Variants in DNM3 observed in about 807,000 individuals in gnomAD.
DNM3 encodes dynamin 3, also known as dynamin-3.
In DNM3, 47 loss-of-function variants were observed where a neutral mutation model predicts 101.6. That is an observed-to-expected ratio of 0.46 (90% confidence interval 0.37 to 0.59). The LOEUF (loss-of-function observed/expected upper bound fraction) is 0.59, where lower values mean the gene tolerates loss of function less well. Among genes scored for constraint, DNM3 ranks in the 20% least tolerant of loss-of-function variants. The pLI is 0.00. For synonymous variants in DNM3, 385 were observed against 387.9 expected, an observed-to-expected ratio of 0.99 and a Z score of 0.09; for missense variants, 849 against 1,085.7, an observed-to-expected ratio of 0.78 and a Z score of 3.06.
At chr1:171,885,089 A>G (rs116798153) in intron 1 of DNM3, among the ~76,000 whole-genome samples, 2,154 of 152,174 alleles carry the variant, frequency 0.014, 58 homozygotes, top group African/African-American at 0.048. Context: ...ATCCCCTCAA[A>G]CTTGGGTAAA....
At chr1:172,331,313 T>C (rs1306556134) in intron 17 of DNM3, among the ~76,000 whole-genome samples, 1 of 152,186 alleles carries the variant, frequency 6.6e-6, no homozygotes, top group Non-Finnish European at 1.5e-5. Context: ...TCTGCTGTTT[T>C]AAAAATCTCA....
intron 16 of DNM3, among the ~76,000 whole-genome samples, chr1:172,314,992 A>G (rs1346646479): frequency 6.6e-6 from 1 of 152,126 alleles, no homozygotes; most frequent in Non-Finnish European, 1.5e-5. Flanking sequence ...GGCACCCCCC[A>G]GTAGGGGCAG....
intron 1 of DNM3, among the ~76,000 whole-genome samples, chr1:171,915,394 A>G (rs144343338): frequency 6.8e-4 from 104 of 152,276 alleles, no homozygotes; most frequent in African/African-American, 2.5e-3. Flanking sequence ...GTAGCAGTTT[A>G]TATGATAGTT....
At chr1:171,857,634 A>G (rs1376203823) in intron 1 of DNM3, among the ~76,000 whole-genome samples, 1 of 152,118 alleles carries the variant, frequency 6.6e-6, no homozygotes, top group Non-Finnish European at 1.5e-5. Flanking sequence ...TAAAACTTGA[A>G]TATTTCTGAC....
intron 1 of DNM3, among the ~76,000 whole-genome samples, chr1:171,850,351 T>C (rs1023704372): frequency 3.3e-5 from 5 of 152,176 alleles, no homozygotes; most frequent in Non-Finnish European, 2.9e-5. Context: ...ATTACATTAT[T>C]TTTAAGTTAC....
chr1:171,869,561 A>G (rs903451376), intron 1 of DNM3, among the ~76,000 whole-genome samples: 1 of 152,186 alleles, frequency 6.6e-6, no homozygotes, highest in Non-Finnish European at 1.5e-5. Context: ...ACTAATATCC[A>G]TATAGAAACT....
At chr1:171,849,305 C>A (rs1288375278) in intron 1 of DNM3, among the ~76,000 whole-genome samples, 4 of 152,180 alleles carry the variant, frequency 2.6e-5, no homozygotes, top group African/African-American at 9.7e-5. Flanking sequence ...CGGAATCTAG[C>A]CTCACTTGGC....
chr1:172,311,601 CA>C (rs1289303835), intron 16 of DNM3, among the ~76,000 whole-genome samples: 1 of 152,028 alleles, frequency 6.6e-6, no homozygotes, highest in Non-Finnish European at 1.5e-5. Context: ...GTCTCAGAAA[CA>C]AAAACAAAAA....
chr1:172,304,556 C>G (rs1557963084), intron 15 of DNM3, among the ~76,000 whole-genome samples: 1 of 152,160 alleles, frequency 6.6e-6, no homozygotes, highest in Non-Finnish European at 1.5e-5. Flanking sequence ...ACAGAACTCT[C>G]TATCCCAAAT....
chr1:172,188,887 T>C (rs2059611880), intron 14 of DNM3, among the ~76,000 whole-genome samples: 1 of 152,092 alleles, frequency 6.6e-6, no homozygotes, highest in Admixed American at 6.6e-5. Flanking sequence ...ACTTATTTTT[T>C]TCTTCATGGA....
At chr1:172,233,233 A>T (rs1051485423) in intron 14 of DNM3, among the ~76,000 whole-genome samples, 2 of 152,208 alleles carry the variant, frequency 1.3e-5, no homozygotes, top group Non-Finnish European at 1.5e-5. Context: ...AGAAATACAA[A>T]CTACCATCAG....
chr1:171,987,039 A>AT (rs923170755), intron 2 of DNM3, among the ~76,000 whole-genome samples: 3 of 151,938 alleles, frequency 2.0e-5, no homozygotes, highest in South Asian at 4.1e-4. Context: ...CTGCTGAGGG[A>AT]TTTTTTTAAA....
At chr1:172,116,855 T>C (rs1275509138) in intron 13 of DNM3, among the ~76,000 whole-genome samples, 1 of 152,146 alleles carries the variant, frequency 6.6e-6, no homozygotes, top group African/African-American at 2.4e-5. Flanking sequence ...CTCTCTTAAA[T>C]AGCATTTCTT....
rs139305965 is a variant in DNM3 at position 172,348,977 on chromosome 1, A to C, written c.1893+25637A>C. ...TCCCAGTAGCATTGTCAGTAAACGA[A>C]TAATGTAATTTATATTACCTAAGGT... On this transcript the variant is annotated intron_variant, in intron 17 of 20. Transcript: ENST00000627582. 5.7e-3 allele frequency among the ~76,000 whole-genome samples: 873 copies of C among 152,288 alleles called. 8 individuals are homozygous for C. The highest frequency in any genetic ancestry group is 0.041 in the East Asian group (213 of 5,178).
chr1:171,899,567 A>G (rs2038119699), intron 1 of DNM3, among the ~76,000 whole-genome samples: 1 of 152,158 alleles, frequency 6.6e-6, no homozygotes, highest in African/African-American at 2.4e-5. Context: ...TCCTAAATGA[A>G]ATAATATTTG....
intron 14 of DNM3, among the ~76,000 whole-genome samples, chr1:172,217,426 A>G (rs2148547962): frequency 6.6e-6 from 1 of 152,216 alleles, no homozygotes; most frequent in Non-Finnish European, 1.5e-5. Context: ...GATATTTAAA[A>G]TCTCCTACTG....
At chr1:171,939,818 T>C (rs749808400) in intron 2 of DNM3, among the ~76,000 whole-genome samples, 14 of 152,184 alleles carry the variant, frequency 9.2e-5, no homozygotes, top group Non-Finnish European at 2.1e-4. Context: ...CTTACTCTTA[T>C]TGCTTCCCCT....
chr1:171,895,110 G>A (rs1236708872), intron 1 of DNM3, among the ~76,000 whole-genome samples: 1 of 152,166 alleles, frequency 6.6e-6, no homozygotes, highest in East Asian at 1.9e-4. Flanking sequence ...GTGTGCATGT[G>A]TCTTTATAGT....
intron 12 of DNM3, among the ~76,000 whole-genome samples, chr1:172,088,607 A>G (rs1179499335): frequency 6.6e-6 from 1 of 151,742 alleles, no homozygotes; most frequent in Non-Finnish European, 1.5e-5. Context: ...TAATAGTTTT[A>G]CTCTCCACAA....
Sources: gnomAD v4.1 joint callset for allele counts (sites outside exome capture counted in the v4.1 genomes callset) on GRCh38, gnomAD v4.1.1 for gene constraint, MANE v1.5 for transcripts, NCBI Gene and HGNC (gene_info 2026-07-23, HGNC 2026-07-21) for gene names.